The following ANKRD45 variants were observed in gnomAD, a reference collection of about 807,000 sequenced individuals.
The protein encoded by ANKRD45 is ankyrin repeat domain-containing protein 45.
In ANKRD45, 21 loss-of-function variants were observed where a neutral mutation model predicts 28.1. The ratio of observed to expected loss-of-function variants is 0.75; its 90% CI spans 0.53 to 1.08. ANKRD45 has a LOEUF of 1.08. Ranked by LOEUF, ANKRD45 falls within the 50% of genes least tolerant of loss-of-function variation. The pLI is 0.00. For synonymous variants in ANKRD45, 86 were observed against 103.9 expected (o/e 0.83, Z 1.05); for missense variants, 261 against 308.7 (o/e 0.85, Z 1.16).
chr1:173,694,906 T>TA, the ANKRD45 span, among the ~76,000 whole-genome samples: 1 of 152,190 alleles, frequency 6.6e-6, no homozygotes, highest in Non-Finnish European at 1.5e-5. Flanking sequence ...TTAGGAAATT[T>TA]TTCAATTACA....
chr1:173,656,488 A>G (rs903003009), intron 2 of ANKRD45, among the ~76,000 whole-genome samples: 2 of 152,178 alleles, frequency 1.3e-5, no homozygotes, highest in African/African-American at 2.4e-5. Flanking sequence ...TCTAATCTTT[A>G]TATCCAGTAG....
chr1:173,621,112 T>C (rs755289753), intron 5 of ANKRD45, among the ~76,000 whole-genome samples: 11 of 152,170 alleles, frequency 7.2e-5, no homozygotes, highest in Non-Finnish European at 1.2e-4. Flanking sequence ...CAGGAAGAAA[T>C]TGAATCCCTG....
rs753742210 is a variant in ANKRD45 at position 173,659,384 on chromosome 1, G to C, written c.35C>G (p.Ser12Ter). The change falls in exon 2 of 6, where the codon TCA becomes TGA. Residue 12 changes from serine (S) to a stop codon, truncating the protein, a stop_gained. Coordinates refer to ENST00000333279, the MANE Select transcript of ANKRD45 (RefSeq NM_198493.3). LOFTEE classifies it high-confidence loss of function. ...CTCTTCTTGCTGTGAGAAAAATTCT[G>C]AACTCTCTGACTCTGGAGGTCCTTC... ...ESEGPPESESSEFFSQQEEEN... is the reference protein window; with the variant it reads ...ESEGPPESES The C allele has an allele frequency of 7.5e-6, 12 of 1,600,974 alleles. No individual in the cohort carries two copies. The highest frequency in any genetic ancestry group is 1.0e-5 in the Non-Finnish European group (12 of 1,175,392).
chr1:173,688,961 G>A, the ANKRD45 span, among the ~76,000 whole-genome samples: 2 of 152,198 alleles, frequency 1.3e-5, no homozygotes. Flanking sequence ...CGGGGGGTTG[G>A]GGGGAACAAA....
chr1:173,611,164 C>T (rs61828917), intron 5 of ANKRD45, among the ~76,000 whole-genome samples: 14,704 of 152,200 alleles, frequency 0.097, 951 homozygotes, highest in East Asian at 0.23. Context: ...TTCCTTATTC[C>T]CCACATTTCC....
intron 5 of ANKRD45, among the ~76,000 whole-genome samples, 164 bp downstream of exon 5, chr1:173,624,623 T>C (rs1667846255): frequency 6.6e-6 from 1 of 152,226 alleles, no homozygotes; most frequent in Admixed American, 6.5e-5. Context: ...ATTACTAATA[T>C]TGCAAATAAT....
At chr1:173,713,044 A>C in the ANKRD45 span, among the ~76,000 whole-genome samples, 1 of 152,232 alleles carries the variant, frequency 6.6e-6, no homozygotes, top group African/African-American at 2.4e-5. Context: ...TGTTGAGTGG[A>C]AAATGGAAGT....
intron 3 of ANKRD45, among the ~76,000 whole-genome samples, chr1:173,627,652 G>A (rs1440186924): frequency 2.6e-5 from 4 of 152,098 alleles, no homozygotes; most frequent in Non-Finnish European, 5.9e-5. Context: ...ACCACTACAG[G>A]CTAAAGTGCT....
At chr1:173,666,881 A>G (rs1161506568) in intron 1 of ANKRD45, among the ~76,000 whole-genome samples, 1 of 152,150 alleles carries the variant, frequency 6.6e-6, no homozygotes, top group African/African-American at 2.4e-5. Context: ...CCTTCTGAGT[A>G]GCTGTGACTA....
At chr1:173,672,001 T>C (rs1388530921), upstream of ANKRD45, among the ~76,000 whole-genome samples, 1 of 152,152 alleles carries the variant, frequency 6.6e-6, no homozygotes, top group Non-Finnish European at 1.5e-5. Flanking sequence ...CAAAAGCTTT[T>C]TAATAAACTT....
At chr1:173,684,985 TTTAA>T in the ANKRD45 span, among the ~76,000 whole-genome samples, 3 of 152,244 alleles carry the variant, frequency 2.0e-5, no homozygotes, top group Admixed American at 2.0e-4. Context: ...CCTGTGGGAC[TTTAA>T]TTGTGTCTAA....
intron 5 of ANKRD45, among the ~76,000 whole-genome samples, chr1:173,619,626 G>A (rs1333148141): frequency 1.3e-5 from 2 of 152,028 alleles, no homozygotes; most frequent in Admixed American, 6.6e-5. Flanking sequence ...TCAGGAGTTC[G>A]AGACCAGCCT....
chr1:173,709,918 C>T, the ANKRD45 span, among the ~76,000 whole-genome samples: 1 of 152,208 alleles, frequency 6.6e-6, no homozygotes, highest in Non-Finnish European at 1.5e-5. Flanking sequence ...AGGCATAAGC[C>T]ACCCTACTAG....
At chr1:173,675,985 A>G in the ANKRD45 span, among the ~76,000 whole-genome samples, 1 of 152,276 alleles carries the variant, frequency 6.6e-6, no homozygotes, top group Non-Finnish European at 1.5e-5. Context: ...TCTCCTCTCA[A>G]TGTTCCAAGA....
intron 3 of ANKRD45, among the ~76,000 whole-genome samples, chr1:173,627,609 C>G (rs1667994317): frequency 6.6e-6 from 1 of 152,120 alleles, no homozygotes; most frequent in Admixed American, 6.5e-5. Flanking sequence ...AGCACACAGC[C>G]CAGCAGTTGG....
the ANKRD45 span, among the ~76,000 whole-genome samples, chr1:173,687,458 C>G: frequency 9.8e-6 from 1 of 101,726 alleles, no homozygotes. Flanking sequence ...AATTCTACCC[C>G]CCCCCCACCC....
chr1:173,702,826 A>ATCTTCCC, the ANKRD45 span, among the ~76,000 whole-genome samples: 1 of 148,284 alleles, frequency 6.7e-6, no homozygotes, highest in Non-Finnish European at 1.5e-5. Context: ...GGCTCATGTG[A>ATCTTCCC]TCTTCCCACT....
chr1:173,700,946 A>C, the ANKRD45 span, among the ~76,000 whole-genome samples: 3 of 152,240 alleles, frequency 2.0e-5, no homozygotes, highest in Admixed American at 1.3e-4. Context: ...TAATATCCAG[A>C]ATCTACAAAG....
intron 3 of ANKRD45, chr1:173,635,721 C>T (rs1668404234): frequency 6.5e-7 from 1 of 1,535,614 alleles, no homozygotes; most frequent in Non-Finnish European, 8.7e-7. Flanking sequence ...TGCGACTTTG[C>T]TAACATGGAT....
Sources: gnomAD v4.1 joint callset for allele counts (sites outside exome capture counted in the v4.1 genomes callset) on GRCh38, gnomAD v4.1.1 for gene constraint, MANE v1.5 for transcripts, NCBI Gene and HGNC (gene_info 2026-07-23, HGNC 2026-07-21) for gene names.